Variants in TPTE observed in about 807,000 individuals in gnomAD.
TPTE encodes the protein putative tyrosine-protein phosphatase TPTE.
In TPTE, 59 loss-of-function variants were observed where a neutral mutation model predicts 84.1. The ratio of observed to expected loss-of-function variants is 0.70; its 90% CI spans 0.57 to 0.87. The LOEUF is 0.87. Among genes scored for constraint, TPTE ranks in the 40% least tolerant of loss-of-function variants. The probability of loss-of-function intolerance (pLI) is 0.00; values close to 1 mark genes in which losing one functional copy is unlikely to be tolerated. For missense variants in TPTE, 382 were observed against 659.6 expected, an observed-to-expected ratio of 0.58 and a Z score of 4.61; for synonymous variants, 130 against 223.5, an observed-to-expected ratio of 0.58 and a Z score of 3.73.
chr21:10,542,174 G>A (rs2074380962), intron 5 of TPTE, among the ~76,000 whole-genome samples: 1 of 152,312 alleles, frequency 6.6e-6, no homozygotes, highest in Non-Finnish European at 1.5e-5. Flanking sequence ...TACTTAAATC[G>A]GGAAGCATTA....
intron 6 of TPTE, among the ~76,000 whole-genome samples, 190 bp downstream of exon 6, chr21:10,542,638 A>T (rs372718133): frequency 6.6e-6 from 1 of 152,302 alleles, no homozygotes; most frequent in Non-Finnish European, 1.5e-5. Flanking sequence ...TCTTCAACAC[A>T]CTTACACAAA....
chr21:10,588,302 G>T (rs1348217717), intron 17 of TPTE, among the ~76,000 whole-genome samples: 2 of 152,260 alleles, frequency 1.3e-5, no homozygotes, highest in African/African-American at 4.8e-5. Context: ...CACCACATTT[G>T]GTTTGCATAT....
intron 21 of TPTE, among the ~76,000 whole-genome samples, chr21:10,599,740 G>A (rs1200076525): frequency 2.6e-5 from 4 of 152,296 alleles, no homozygotes; most frequent in Non-Finnish European, 4.4e-5. Flanking sequence ...AGCTTGACCA[G>A]CAGACTTCAT....
chr21:10,568,434 G>A (rs11184127), intron 11 of TPTE, among the ~76,000 whole-genome samples: 73 of 152,282 alleles, frequency 4.8e-4, no homozygotes, highest in African/African-American at 1.7e-3. Flanking sequence ...AAGTGGGATT[G>A]GGAAACTAAA....
intron 14 of TPTE, among the ~76,000 whole-genome samples, chr21:10,571,165 A>T (rs1329351156): frequency 6.6e-6 from 1 of 152,310 alleles, no homozygotes. Context: ...AATCTGAATG[A>T]TGGCTCTCAC....
intron 4 of TPTE, among the ~76,000 whole-genome samples, chr21:10,539,620 CAT>C (rs1345695095): frequency 1.3e-5 from 2 of 152,310 alleles, no homozygotes; most frequent in African/African-American, 4.8e-5. Context: ...GTGCTGCAAT[CAT>C]ATAAAGTATG....
chr21:10,573,259 TATA>T (rs1396192949), intron 14 of TPTE, among the ~76,000 whole-genome samples: 2 of 152,300 alleles, frequency 1.3e-5, no homozygotes, highest in African/African-American at 4.8e-5. Flanking sequence ...AAGGTCATTT[TATA>T]ATAATAAAGA....
intron 7 of TPTE, among the ~76,000 whole-genome samples, chr21:10,548,027 C>G (rs1214649451): frequency 6.6e-6 from 1 of 152,424 alleles, no homozygotes; most frequent in South Asian, 2.1e-4. Flanking sequence ...CCATCAACCA[C>G]AGACATGCTC....
At position 10,564,467 on chromosome 21, in the gene TPTE, A is replaced by G. The variant is rs539645647; in HGVS notation, c.447-3203A>G. On this transcript the variant is annotated intron_variant, in intron 10 of 23. Transcript: ENST00000618007. The stretch of plus-strand genomic sequence containing the variant: ...AGAGGTTGCAGTGAGCTGAGATCAC[A>G]CCACTGCACTCTAGCCTGGGTGACA... Among the ~76,000 whole-genome samples, 14 of 152,414 alleles carry G rather than the reference A, an allele frequency of 9.2e-5. No individual in the cohort carries two copies. In the South Asian group the frequency reaches 1.4e-3, roughly 16 times the overall value.
At chr21:10,542,632 C>T (rs1243199151) in intron 6 of TPTE, among the ~76,000 whole-genome samples, 184 bp downstream of exon 6, 1 of 152,304 alleles carries the variant, frequency 6.6e-6, no homozygotes, top group Non-Finnish European at 1.5e-5. Context: ...CACGTCTCTT[C>T]AACACACTTA....
At chr21:10,528,062 T>C (rs2074111015) in intron 3 of TPTE, among the ~76,000 whole-genome samples, 1 of 152,304 alleles carries the variant, frequency 6.6e-6, no homozygotes, top group African/African-American at 2.4e-5. Flanking sequence ...TTGAGAGTCC[T>C]AAACAATTTT....
intron 10 of TPTE, among the ~76,000 whole-genome samples, chr21:10,563,276 A>T (rs1213485798): frequency 1.3e-5 from 2 of 152,292 alleles, no homozygotes; most frequent in South Asian, 2.1e-4. Flanking sequence ...AATCAGAAAG[A>T]TAAGGACATT....
At chr21:10,572,450 C>CAAAAAAAAAAAAAAAA (rs58796102) in intron 14 of TPTE, among the ~76,000 whole-genome samples, 2 of 131,986 alleles carry the variant, frequency 1.5e-5, no homozygotes, top group Non-Finnish European at 1.7e-5. Flanking sequence ...AGACTGTATC[C>CAAAAAAAAAAAAAAAA]AAAAAAAAAA....
At chr21:10,581,589 G>A (rs1487952344) in intron 17 of TPTE, among the ~76,000 whole-genome samples, 2 of 152,304 alleles carry the variant, frequency 1.3e-5, no homozygotes, top group African/African-American at 2.4e-5. Context: ...CAGTAGTATC[G>A]TGATAGTAAA....
At chr21:10,532,600 A>G (rs889422932) in intron 3 of TPTE, among the ~76,000 whole-genome samples, 1 of 152,306 alleles carries the variant, frequency 6.6e-6, no homozygotes, top group African/African-American at 2.4e-5. Context: ...CTTTGCTTTT[A>G]ACCATCTTGA....
At chr21:10,564,070 C>T (rs1600908957) in intron 10 of TPTE, among the ~76,000 whole-genome samples, 2 of 152,426 alleles carry the variant, frequency 1.3e-5, no homozygotes, top group South Asian at 2.1e-4. Context: ...AGGAGAATCA[C>T]TTGAACCCGG....
intron 17 of TPTE, among the ~76,000 whole-genome samples, chr21:10,585,221 CTCTG>C (rs1242025488): frequency 6.7e-6 from 1 of 149,928 alleles, no homozygotes; most frequent in African/African-American, 2.5e-5. Flanking sequence ...CAGAGTAAGA[CTCTG>C]TCTCAAAAAA....
chr21:10,526,229 TGA>T (rs2074076438), intron 2 of TPTE, among the ~76,000 whole-genome samples: 1 of 152,310 alleles, frequency 6.6e-6, no homozygotes, highest in African/African-American at 2.4e-5. Context: ...ACTTAGAACT[TGA>T]AAGGTTCCCC....
In TPTE at chr21:10,603,598, T is replaced by A; in HGVS notation, c.1486T>A (p.Phe496Ile). 1 of 1,612,606 alleles carries A rather than the reference T, an allele frequency of 6.2e-7. No homozygotes were observed. The highest frequency in any genetic ancestry group is 8.5e-7 in the Non-Finnish European group (1 of 1,178,894). ...ATACTATGACAATTGCTCATTTTAC[T>A]TCTGGTTGCACACATCTTTTATTGA... ...PTYYDNCSFY[F>I]WLHTSFIENN... Residue 496 changes from phenylalanine (F) to isoleucine (I), a missense_variant, in exon 23 of 24, where the codon TTC becomes ATC. By Grantham distance (21) the Phe-to-Ile change is conservative (BLOSUM62 0). Around this residue, in one of 10 missense-constraint regions of TPTE, gnomAD observed 120 missense variants for 79.1 expected, o/e 1.52. Coordinates refer to ENST00000618007, the MANE Select transcript of TPTE (RefSeq NM_199261.4).
Sources: gnomAD v4.1 joint callset for allele counts (sites outside exome capture counted in the v4.1 genomes callset) on GRCh38, gnomAD v4.1.1 for gene constraint, gnomAD v4.1.1 regional missense constraint, MANE v1.5 for transcripts, NCBI Gene and HGNC (gene_info 2026-07-23, HGNC 2026-07-21) for gene names.